TPP2: variants seen among roughly 807,000 people sequenced by gnomAD.
TPP2 encodes the protein tripeptidyl peptidase 2.
A neutral mutation model predicts 155.9 loss-of-function variants in TPP2; 34 were observed. That is an observed-to-expected ratio of 0.22 (90% CI 0.17 to 0.29). The LOEUF is 0.29. TPP2 is among the 10% of genes least tolerant of loss of function. The pLI is 1.00. For synonymous variants in TPP2, 510 were observed against 529.4 expected (o/e 0.96, Z 0.50); for missense variants, 1,028 against 1,522.3 (o/e 0.68, Z 5.40).
At chr13:102,601,378 C>T (rs997764874) in intron 1 of TPP2, among the ~76,000 whole-genome samples, 1 of 152,154 alleles carries the variant, frequency 6.6e-6, no homozygotes, top group African/African-American at 2.4e-5. Flanking sequence ...CTGGTCCTCT[C>T]TGCAAATGTC....
chr13:102,604,485 C>T (rs569175621), intron 1 of TPP2, among the ~76,000 whole-genome samples: 2 of 152,200 alleles, frequency 1.3e-5, no homozygotes, highest in East Asian at 1.9e-4. Flanking sequence ...GCTATAAGAT[C>T]GTCAGGGATT....
At chr13:102,632,033 C>A (rs964751202) in intron 10 of TPP2, among the ~76,000 whole-genome samples, 5 of 152,118 alleles carry the variant, frequency 3.3e-5, no homozygotes, top group Non-Finnish European at 7.4e-5. Flanking sequence ...GTAGGTGAAT[C>A]ACTTGAGGTC....
chr13:102,667,449 A>G (rs1884682656), intron 27 of TPP2, among the ~76,000 whole-genome samples: 1 of 152,224 alleles, frequency 6.6e-6, no homozygotes, highest in African/African-American at 2.4e-5. Context: ...CTTATCATCT[A>G]ATATAGAAGA....
Position 102,643,346 on chromosome 13 carries a change from A to C in TPP2, c.2145A>C (p.Lys715Asn). 1 of 1,609,770 alleles carries C rather than the reference A, an allele frequency of 6.2e-7. No homozygotes were observed. The stretch of plus-strand genomic sequence containing the variant: ...ATAAGTTTTGTTCTCTTCCAGAGAA[A>C]GGAACACTGACTGAAGCTTTTCCTG... Reference protein sequence around the residue: ...EFYKFCSLPEKGTLTEAFPVL... With the variant: ...EFYKFCSLPENGTLTEAFPVL... Residue 715 changes from lysine (K) to asparagine (N), a missense_variant, in exon 17 of 30, where the codon AAA (lysine) becomes AAC (asparagine). This residue lies in a region of TPP2 where 325 missense variants were observed against 463.7 expected (regional missense o/e 0.70). Coordinates refer to ENST00000376052, the MANE Select transcript of TPP2 (RefSeq NM_001330588.2).
intron 28 of TPP2, among the ~76,000 whole-genome samples, chr13:102,675,318 C>T (rs1474596759): frequency 2.0e-5 from 3 of 152,092 alleles, no homozygotes; most frequent in African/African-American, 7.2e-5. Flanking sequence ...CTGAAGGAGC[C>T]AGTATTGCAG....
rs767936275 is a variant in TPP2 at position 102,634,091 on chromosome 13, C to T, written c.1386C>T (p.Ile462=). 6.2e-7 allele frequency: 1 copy of T among 1,614,030 alleles called. No homozygotes were observed. The highest frequency in any genetic ancestry group is 2.2e-5 in the East Asian group (1 of 44,882). ...SPNACGGIAL[I]LSGLKANNID... ...ATGCATGTGGAGGCATTGCCCTGAT[C>T]CTTTCAGGTAAGCGTGTTCTTTATT... Residue 462 remains isoleucine (I), a synonymous_variant, in exon 11 of 30, where the codon ATC becomes ATT. Transcript: ENST00000376052.
intron 25 of TPP2, among the ~76,000 whole-genome samples, chr13:102,662,857 C>T (rs887279363): frequency 7.2e-5 from 11 of 152,000 alleles, no homozygotes; most frequent in African/African-American, 2.4e-4. Flanking sequence ...ATTCAGCCTC[C>T]GCGTCGGGGA....
In TPP2 at chr13:102,630,249, T is replaced by C. The variant is rs1164886452; in HGVS notation, c.1244+54T>C. On this transcript the variant is annotated intron_variant, in intron 10 of 29. Transcript: ENST00000376052. ...ACGTATATTCGGTTAAACTTTACAC[T>C]GTTGAGAAGGGCAGAGTTTTAGATA... The C allele has an allele frequency of 2.2e-6, 3 of 1,335,838 alleles. No individual in the cohort carries two copies. In the South Asian group the frequency reaches 3.9e-5, roughly 18 times the overall value. 82.7% of individuals were successfully genotyped at this position (1,335,838 alleles called of 1,614,324 possible).
chr13:102,611,412 A>T (rs1880308501), intron 2 of TPP2, among the ~76,000 whole-genome samples: 1 of 152,226 alleles, frequency 6.6e-6, no homozygotes, highest in African/African-American at 2.4e-5. Flanking sequence ...ACGGTGGCTC[A>T]CACCTGTAAT....
intron 24 of TPP2, among the ~76,000 whole-genome samples, chr13:102,652,916 T>G (rs1883611953): frequency 6.6e-6 from 1 of 152,220 alleles, no homozygotes; most frequent in Non-Finnish European, 1.5e-5. Flanking sequence ...AGTTACTGCT[T>G]TAGAGAACAA....
At chr13:102,650,555 T>A (rs570705982) in intron 23 of TPP2, among the ~76,000 whole-genome samples, 107 of 152,278 alleles carry the variant, frequency 7.0e-4, no homozygotes, top group African/African-American at 2.5e-3. Flanking sequence ...TGCACTGATT[T>A]AAGAAACCCT....
rs1345221895 is a variant in TPP2, at chr13:102,649,494, T to C, written c.2952+8T>C. ...GAACTAGGAAAGAAAGCTGTAAGTATTAGTTTTTTAAACACTGAAATTACC... is the reference window on the plus strand; with the variant it reads ...GAACTAGGAAAGAAAGCTGTAAGTACTAGTTTTTTAAACACTGAAATTACC... On this transcript the variant is annotated splice_region_variant and intron_variant, in intron 23 of 29. Coordinates refer to ENST00000376052, the MANE Select transcript of TPP2 (RefSeq NM_001330588.2). 3 of 1,600,744 alleles carry C rather than the reference T, an allele frequency of 1.9e-6. No homozygotes were observed. The South Asian group carries it at 3.4e-5, about 18-fold the overall frequency.
chr13:102,658,117 C>T (rs969745990), intron 25 of TPP2, among the ~76,000 whole-genome samples: 1 of 152,104 alleles, frequency 6.6e-6, no homozygotes, highest in African/African-American at 2.4e-5. Context: ...TACTCTTTGA[C>T]TTTGGGCTTG....
chr13:102,599,689 C>T (rs565461906), intron 1 of TPP2, among the ~76,000 whole-genome samples: 11 of 152,248 alleles, frequency 7.2e-5, no homozygotes, highest in South Asian at 2.1e-4. Flanking sequence ...GTAGTAGTTA[C>T]GTAAGTGATT....
At position 102,678,696 on chromosome 13, in the gene TPP2, T is replaced by C. The variant is rs1885443352; in HGVS notation, c.*380T>C. 6.5e-6 allele frequency: 1 copy of C among 154,908 alleles called. No homozygotes were observed. Among genetic ancestry groups the C allele is most frequent in the African/African-American group, 2.4e-5 (1 of 41,514 alleles). The allele number at this position is 154,908 out of a possible 1,614,324, so 9.6% of individuals were successfully genotyped here. A position where few individuals can be genotyped will look rare whatever the true frequency, so the allele number is the denominator to read the frequency against. ...AACAGGGTTTTAACGTGCTCAACTT[T>C]AATTTTTTTCAATTGTATGAAGGCC... On this transcript the variant is annotated 3_prime_UTR_variant, in exon 30 of 30. Coordinates refer to ENST00000376052, the MANE Select transcript of TPP2 (RefSeq NM_001330588.2).
chr13:102,637,289 A>T, intron 14 of TPP2, 50 bp downstream of exon 14: 1 of 1,544,330 alleles, frequency 6.5e-7, no homozygotes, highest in Non-Finnish European at 8.6e-7. Flanking sequence ...AAATGTTTAA[A>T]AGGTTAAAAA....
intron 16 of TPP2, among the ~76,000 whole-genome samples, chr13:102,642,202 A>G (rs1179560999): frequency 6.6e-6 from 1 of 152,178 alleles, no homozygotes; most frequent in Non-Finnish European, 1.5e-5. Flanking sequence ...GATTACGCTC[A>G]CACTTGACAG....
At chr13:102,606,864 G>A (rs1879872195) in intron 2 of TPP2, among the ~76,000 whole-genome samples, 2 of 152,146 alleles carry the variant, frequency 1.3e-5, no homozygotes, top group Admixed American at 1.3e-4. Context: ...GATTATCTGT[G>A]TCCCCACCCC....
In TPP2 at chr13:102,674,435, C is replaced by A. The variant is rs1411161642; in HGVS notation, c.3524C>A (p.Ser1175Tyr). ...GAGGAAGGAGAAAGTCCTTTGGATT[C>A]TCTGGCAGAAACATTTTGGGAAACT... is the stretch of plus-strand genomic sequence containing the variant. ...KEEEGESPLD[S>Y]LAETFWETTK... The change falls in exon 28 of 30, where the codon TCT becomes TAT. Residue 1175 changes from serine to tyrosine, a missense_variant. This residue lies in a region of TPP2 where 116 missense variants were observed against 117.3 expected (regional missense o/e 0.99). Transcript: ENST00000376052. 1.2e-6 allele frequency: 2 copies of A among 1,613,902 alleles called. No homozygotes were observed. Among genetic ancestry groups the A allele is most frequent in the Non-Finnish European group, 1.7e-6 (2 of 1,179,838 alleles).
Sources: allele counts gnomAD v4.1 joint callset (sites outside exome capture counted in the v4.1 genomes callset), GRCh38; gene constraint gnomAD v4.1.1; regional missense constraint gnomAD v4.1.1; transcripts MANE v1.5; gene names NCBI Gene and HGNC (gene_info 2026-07-23, HGNC 2026-07-21).